The following SPOCK1 variants were observed in gnomAD, a reference collection of about 807,000 sequenced individuals.
SPOCK1 encodes the protein testican-1.
Under a neutral mutation model 55.3 loss-of-function variants are expected in SPOCK1, and 23 were observed. The ratio of observed to expected loss-of-function variants is 0.42; its 90% CI spans 0.30 to 0.59. The LOEUF is 0.59. Among genes scored for constraint, SPOCK1 ranks in the 20% least tolerant of loss-of-function variants. The pLI is 0.22. For synonymous variants in SPOCK1, 226 were observed against 221.0 expected (o/e 1.02, Z -0.20); for missense variants, 499 against 552.5 (o/e 0.90, Z 0.97).
chr5:137,339,321 G>T (rs1750361721), intron 2 of SPOCK1, among the ~76,000 whole-genome samples: 1 of 152,232 alleles, frequency 6.6e-6, no homozygotes, highest in Non-Finnish European at 1.5e-5. Context: ...CCTGGCCAAG[G>T]TGATTGGTCC....
At chr5:137,098,390 C>T (rs539718474) in intron 5 of SPOCK1, among the ~76,000 whole-genome samples, 42 of 152,322 alleles carry the variant, frequency 2.8e-4, no homozygotes, top group African/African-American at 1.0e-3. Flanking sequence ...GTGTCTTCCT[C>T]AGAACCAGGC....
At chr5:136,979,979 C>G (rs1459081338) in intron 9 of SPOCK1, among the ~76,000 whole-genome samples, 1 of 152,198 alleles carries the variant, frequency 6.6e-6, no homozygotes, top group Admixed American at 6.5e-5. Flanking sequence ...TTAACTACTG[C>G]ACTTGGTTCT....
At chr5:137,015,155 G>C (rs538911757) in intron 6 of SPOCK1, among the ~76,000 whole-genome samples, 1 of 152,172 alleles carries the variant, frequency 6.6e-6, no homozygotes, top group East Asian at 1.9e-4. Flanking sequence ...TTAAAGAACA[G>C]AGCAGGCCAG....
intron 2 of SPOCK1, among the ~76,000 whole-genome samples, chr5:137,391,412 C>T (rs767100373): frequency 3.3e-5 from 5 of 152,012 alleles, no homozygotes; most frequent in Admixed American, 2.0e-4. Flanking sequence ...GCTAAGGAAA[C>T]GCCAGGAACC....
At chr5:137,356,798 A>C (rs11744084) in intron 2 of SPOCK1, among the ~76,000 whole-genome samples, 1 of 13,742 alleles carries the variant, frequency 7.3e-5, no homozygotes, top group Non-Finnish European at 1.2e-4. Flanking sequence ...CAAAAAAAAT[A>C]ATATATATAT....
intron 4 of SPOCK1, among the ~76,000 whole-genome samples, chr5:137,118,837 T>A (rs1310046921): frequency 6.6e-6 from 1 of 152,220 alleles, no homozygotes; most frequent in Non-Finnish European, 1.5e-5. Context: ...TAGATAAAAC[T>A]GTTTTCGCTC....
At chr5:137,340,925 T>G (rs1035568339) in intron 2 of SPOCK1, among the ~76,000 whole-genome samples, 22 of 149,276 alleles carry the variant, frequency 1.5e-4, no homozygotes, top group African/African-American at 5.1e-4. Context: ...ACAGTGGCTG[T>G]CTGACTTGCC....
chr5:137,287,064 T>C (rs762041786), intron 2 of SPOCK1, among the ~76,000 whole-genome samples: 15 of 152,090 alleles, frequency 9.9e-5, no homozygotes, highest in Non-Finnish European at 1.8e-4. Flanking sequence ...GGAAGAAAAA[T>C]AGGTGGCACC....
chr5:137,178,487 A>T (rs1754900913), intron 3 of SPOCK1, among the ~76,000 whole-genome samples: 3 of 152,212 alleles, frequency 2.0e-5, no homozygotes, highest in Non-Finnish European at 4.4e-5. Flanking sequence ...ATCTTTATCC[A>T]CACCTTGCTT....
chr5:137,199,985 G>T (rs755840294), intron 3 of SPOCK1, among the ~76,000 whole-genome samples: 1 of 152,202 alleles, frequency 6.6e-6, no homozygotes, highest in East Asian at 1.9e-4. Context: ...GCATCTTCTC[G>T]CCTCTGGCAT....
At chr5:137,486,988 G>A (rs1199261932) in intron 2 of SPOCK1, among the ~76,000 whole-genome samples, 1 of 152,150 alleles carries the variant, frequency 6.6e-6, no homozygotes, top group African/African-American at 2.4e-5. Context: ...AAGTCACAGG[G>A]AATCATCATG....
chr5:137,278,923 C>T (rs1401235720), intron 2 of SPOCK1, among the ~76,000 whole-genome samples: 1 of 152,160 alleles, frequency 6.6e-6, no homozygotes. Context: ...GACCAATGTA[C>T]TAGTCTATGC....
chr5:137,216,323 C>T (rs1256373551), intron 3 of SPOCK1, among the ~76,000 whole-genome samples: 1 of 152,218 alleles, frequency 6.6e-6, no homozygotes, highest in African/African-American at 2.4e-5. Context: ...TTCAGTTCAA[C>T]ATCCAGACAT....
At chr5:137,317,099 C>A (rs1757892606) in intron 2 of SPOCK1, among the ~76,000 whole-genome samples, 1 of 152,200 alleles carries the variant, frequency 6.6e-6, no homozygotes, top group Non-Finnish European at 1.5e-5. Context: ...CTTGATTTTA[C>A]TGCTTGGCTG....
intron 8 of SPOCK1, among the ~76,000 whole-genome samples, chr5:136,985,614 C>T (rs751173415): frequency 2.6e-5 from 4 of 152,046 alleles, no homozygotes; most frequent in Non-Finnish European, 4.4e-5. Context: ...CTAGGTTTTC[C>T]TGTAGGAAAG....
chr5:137,360,704 A>G (rs1426847690), intron 2 of SPOCK1, among the ~76,000 whole-genome samples: 1 of 151,362 alleles, frequency 6.6e-6, no homozygotes, highest in Non-Finnish European at 1.5e-5. Context: ...TTTTCCTTCC[A>G]TCTCATTTAG....
At chr5:137,007,105 T>C (rs912402492) in intron 6 of SPOCK1, among the ~76,000 whole-genome samples, 9 of 152,160 alleles carry the variant, frequency 5.9e-5, no homozygotes, top group Admixed American at 4.6e-4. Context: ...AAACTGAAAC[T>C]GGACCCCTTC....
At chr5:137,459,060 C>G (rs952907598) in intron 2 of SPOCK1, among the ~76,000 whole-genome samples, 1 of 152,206 alleles carries the variant, frequency 6.6e-6, no homozygotes, top group African/African-American at 2.4e-5. Context: ...GTGAGTGAGG[C>G]TGGCAGCCCA....
intron 2 of SPOCK1, among the ~76,000 whole-genome samples, chr5:137,318,940 C>A (rs1580864443): frequency 6.6e-6 from 1 of 152,312 alleles, no homozygotes; most frequent in East Asian, 1.9e-4. Context: ...CAGACTTGCT[C>A]AGTGACAGAA....
Sources: gnomAD v4.1 joint callset for allele counts (sites outside exome capture counted in the v4.1 genomes callset) on GRCh38, gnomAD v4.1.1 for gene constraint, MANE v1.5 for transcripts, NCBI Gene and HGNC (gene_info 2026-07-23, HGNC 2026-07-21) for gene names.